The following AKAP6 variants were observed in gnomAD, a reference collection of about 807,000 sequenced individuals.
AKAP6 encodes the protein A-kinase anchoring protein 6.
AKAP6 carries 58 observed loss-of-function variants against 188.5 expected under a neutral mutation model. That is an observed-to-expected ratio of 0.31 (90% confidence interval 0.25 to 0.38). The LOEUF is 0.38. Ranked by LOEUF, AKAP6 falls within the 10% of genes least tolerant of loss-of-function variation. The pLI, the probability that AKAP6 is intolerant of heterozygous loss-of-function variation, is 1.00. For synonymous variants in AKAP6, 989 were observed against 998.6 expected (o/e 0.99, Z 0.18); for missense variants, 2,710 against 2,740.0 (o/e 0.99, Z 0.24).
chr14:32,803,402 G>C (rs182895606), intron 12 of AKAP6, among the ~76,000 whole-genome samples: 133 of 152,100 alleles, frequency 8.7e-4, no homozygotes, highest in Non-Finnish European at 4.3e-4. Context: ...TTATCTCTGG[G>C]TTATTAAGAA....
At chr14:32,553,365 G>T (rs939233379) in intron 4 of AKAP6, among the ~76,000 whole-genome samples, 3 of 151,752 alleles carry the variant, frequency 2.0e-5, no homozygotes, top group Non-Finnish European at 4.4e-5. Context: ...GTAGAAACGG[G>T]GTTTCATCAC....
intron 8 of AKAP6, among the ~76,000 whole-genome samples, chr14:32,679,197 A>G (rs181684639): frequency 1.3e-5 from 2 of 152,294 alleles, no homozygotes; most frequent in East Asian, 3.9e-4. Flanking sequence ...ATGTGTGTAT[A>G]TATGTATATT....
intron 7 of AKAP6, among the ~76,000 whole-genome samples, chr14:32,643,789 A>G (rs566359881): frequency 4.6e-5 from 7 of 152,282 alleles, no homozygotes; most frequent in African/African-American, 1.4e-4. Context: ...TCCTTTATGA[A>G]AATGGACATG....
chr14:32,683,627 A>G (rs1179580669), intron 8 of AKAP6, among the ~76,000 whole-genome samples: 1 of 152,238 alleles, frequency 6.6e-6, no homozygotes, highest in African/African-American at 2.4e-5. Flanking sequence ...GGTGATAGGT[A>G]TATGGAAATC....
intron 12 of AKAP6, among the ~76,000 whole-genome samples, chr14:32,813,912 G>T (rs1382085464): frequency 6.8e-6 from 1 of 147,650 alleles, no homozygotes; most frequent in African/African-American, 2.5e-5. Flanking sequence ...TTGTTATGTA[G>T]AGTTGAGATG....
chr14:32,636,648 C>T (rs1422130627), intron 7 of AKAP6, among the ~76,000 whole-genome samples: 1 of 151,936 alleles, frequency 6.6e-6, no homozygotes, highest in African/African-American at 2.4e-5. Context: ...AAAGGGTGTG[C>T]TGGAATCAAA....
chr14:32,442,886 T>C (rs10138310), intron 2 of AKAP6, among the ~76,000 whole-genome samples: 44,794 of 151,832 alleles, frequency 0.3, 11,830 homozygotes, highest in African/African-American at 0.71. Context: ...TCTTCAAAAT[T>C]TTACATCTCA....
At chr14:32,798,385 G>A (rs1188472922) in intron 12 of AKAP6, among the ~76,000 whole-genome samples, 1 of 151,980 alleles carries the variant, frequency 6.6e-6, no homozygotes, top group African/African-American at 2.4e-5. Flanking sequence ...CCCATTACTG[G>A]GTATGTTCCC....
chr14:32,575,988 C>T (rs1449058087), intron 4 of AKAP6, among the ~76,000 whole-genome samples: 1 of 152,022 alleles, frequency 6.6e-6, no homozygotes, highest in Non-Finnish European at 1.5e-5. Context: ...CTCTTTTTCT[C>T]ATGATTTTTT....
chr14:32,511,201 C>T (rs1043542144), intron 2 of AKAP6, among the ~76,000 whole-genome samples: 4 of 152,168 alleles, frequency 2.6e-5, no homozygotes, highest in Non-Finnish European at 5.9e-5. Context: ...TTGAGTTCAG[C>T]TCTTTTCAGG....
rs780930433 is a variant in AKAP6 at position 32,823,510 on chromosome 14, T to C, written c.5697T>C (p.Ile1899=). The change falls in exon 13 of 14, where the codon ATT becomes ATC. Residue 1899 remains isoleucine (I), a synonymous_variant. Transcript: ENST00000280979. The stretch of plus-strand genomic sequence containing the variant: ...TGGCTGACATGGAAAATGGCAATAT[T>C]GAAGGTATTCCAGAAAGGCAAAAGG... ...PYVADMENGN[I]EGIPERQKGK... is the part of the protein sequence containing the mutation. 3 of 1,613,642 alleles carry C rather than the reference T, an allele frequency of 1.9e-6. No homozygotes were observed. The South Asian group carries it at 3.3e-5, about 18-fold the overall frequency.
At chr14:32,509,104 C>A (rs7401274) in intron 2 of AKAP6, among the ~76,000 whole-genome samples, 39,024 of 143,980 alleles carry the variant, frequency 0.27, 5,239 homozygotes, top group Admixed American at 0.33. Flanking sequence ...CAGGCGTAAG[C>A]CACCATGCCC....
At chr14:32,355,891 C>T (rs941659143) in intron 1 of AKAP6, among the ~76,000 whole-genome samples, 1 of 152,086 alleles carries the variant, frequency 6.6e-6, no homozygotes, top group Non-Finnish European at 1.5e-5. Context: ...CCTCCCACCT[C>T]AACCTCCCAA....
At chr14:32,576,331 T>G (rs1357696019) in intron 4 of AKAP6, among the ~76,000 whole-genome samples, 2 of 152,166 alleles carry the variant, frequency 1.3e-5, no homozygotes, top group Non-Finnish European at 2.9e-5. Flanking sequence ...GCCCCATTTC[T>G]TTCACTTAGG....
chr14:32,576,289 C>G (rs918240660), intron 4 of AKAP6, among the ~76,000 whole-genome samples: 1 of 152,080 alleles, frequency 6.6e-6, no homozygotes, highest in Non-Finnish European at 1.5e-5. Flanking sequence ...CCAGGTGGTG[C>G]TGTTTACCCA....
intron 1 of AKAP6, among the ~76,000 whole-genome samples, chr14:32,354,143 A>G (rs1338025520): frequency 6.6e-6 from 1 of 152,108 alleles, no homozygotes; most frequent in Non-Finnish European, 1.5e-5. Flanking sequence ...AAGAGCCCAC[A>G]TTGCCAAGTC....
At chr14:32,640,038 C>A (rs1165944385) in intron 7 of AKAP6, among the ~76,000 whole-genome samples, 11 of 151,990 alleles carry the variant, frequency 7.2e-5, no homozygotes, top group African/African-American at 1.9e-4. Flanking sequence ...CAAATGCCTT[C>A]CCAGAAATAA....
At chr14:32,638,528 T>C (rs528575289) in intron 7 of AKAP6, among the ~76,000 whole-genome samples, 1 of 152,156 alleles carries the variant, frequency 6.6e-6, no homozygotes, top group Non-Finnish European at 1.5e-5. Flanking sequence ...CATATTGTCA[T>C]GAAACCTTAA....
chr14:32,390,037 A>G (rs1371307353), intron 1 of AKAP6, among the ~76,000 whole-genome samples: 2 of 151,888 alleles, frequency 1.3e-5, no homozygotes, highest in Non-Finnish European at 2.9e-5. Flanking sequence ...GGCTTTATTC[A>G]TATTTTCTTA....
Sources: gnomAD v4.1 joint callset for allele counts (sites outside exome capture counted in the v4.1 genomes callset) on GRCh38, gnomAD v4.1.1 for gene constraint, MANE v1.5 for transcripts, NCBI Gene and HGNC (gene_info 2026-07-23, HGNC 2026-07-21) for gene names.